Variants in PRAG1 observed in about 807,000 individuals in gnomAD.
The protein encoded by PRAG1 is inactive tyrosine-protein kinase PRAG1.
Under a neutral mutation model 95.6 loss-of-function variants are expected in PRAG1, and 110 were observed. The observed-to-expected ratio is 1.15, with a 90% CI of 0.99 to 1.35. The LOEUF (loss-of-function observed/expected upper bound fraction) is 1.35. PRAG1 is among the 40% of genes most tolerant of loss of function. The pLI is 0.00. For missense variants in PRAG1, 2,554 were observed against 1,864.7 expected, an observed-to-expected ratio of 1.37 and a Z score of -6.81; for synonymous variants, 1,052 against 819.4, an observed-to-expected ratio of 1.28 and a Z score of -4.85.
At chr8:8,346,692 C>A (rs977261821) in intron 3 of PRAG1, among the ~76,000 whole-genome samples, 3 of 152,220 alleles carry the variant, frequency 2.0e-5, no homozygotes, top group African/African-American at 7.2e-5. Flanking sequence ...CAATCCTTAA[C>A]GGATGCGGGG....
In PRAG1 at chr8:8,321,188, G is replaced by T. The variant is rs143178009; in HGVS notation, c.3073-1886C>A. Among the ~76,000 whole-genome samples the T allele has an allele frequency of 2.8e-4, 43 of 152,274 alleles. No homozygotes were observed. The East Asian group carries it at 8.1e-3, about 29-fold the overall frequency. On this transcript the variant is annotated intron_variant, in intron 5 of 5. Coordinates refer to ENST00000615670, the MANE Select transcript of PRAG1 (RefSeq NM_001080826.3). ...CGGTTTTGACCTCCCAGGTTTAAGC[G>T]ATCCTCCCACCTCAGCCTCCCGAGT... is the stretch of plus-strand genomic sequence containing the variant.
At position 8,377,892 on chromosome 8, in the gene PRAG1, T is replaced by C. The variant is rs752705280; in HGVS notation, c.517A>G (p.Arg173Gly). ...CTCACCGGGTGGAAGGCAATGTTCC[T>C]CTCGCCGCGGGGCTCAAGGTTGTGC... is the stretch of plus-strand genomic sequence containing the variant. ...GLHNLEPRGE[R>G]NIAFHPVSFP... is the part of the protein sequence containing the mutation. Residue 173 changes from arginine (R) to glycine (G), a missense_variant, in exon 3 of 6, where the codon AGG (arginine) becomes GGG (glycine). Physicochemically the swap from Arg to Gly is moderately radical, Grantham distance 125 (BLOSUM62 -2). Transcript: ENST00000615670. 5 of 1,614,074 alleles carry C rather than the reference T, an allele frequency of 3.1e-6. No homozygotes were observed. The highest frequency in any genetic ancestry group is 4.2e-6 in the Non-Finnish European group (5 of 1,180,012).
chr8:8,356,189 C>G (rs1799675749), intron 3 of PRAG1, among the ~76,000 whole-genome samples: 1 of 152,148 alleles, frequency 6.6e-6, no homozygotes, highest in African/African-American at 2.4e-5. Flanking sequence ...CATCACTAAT[C>G]AGGGAAATGC....
chr8:8,320,025 T>C (rs573064635), intron 5 of PRAG1, among the ~76,000 whole-genome samples: 3 of 152,236 alleles, frequency 2.0e-5, no homozygotes, highest in Admixed American at 2.0e-4. Flanking sequence ...TGGAGCAGTT[T>C]GTTAGTTTCT....
At chr8:8,361,452 G>T (rs946293802) in intron 3 of PRAG1, among the ~76,000 whole-genome samples, 1 of 152,126 alleles carries the variant, frequency 6.6e-6, no homozygotes, top group African/African-American at 2.4e-5. Flanking sequence ...GGAGGTGGCA[G>T]TGGGTTATTA....
At position 8,366,375 on chromosome 8, in the gene PRAG1, A is replaced by T. The variant is rs190637025; in HGVS notation, c.2162+9872T>A. On this transcript the variant is annotated intron_variant, in intron 3 of 5. Coordinates refer to ENST00000615670, the MANE Select transcript of PRAG1 (RefSeq NM_001080826.3). The stretch of plus-strand genomic sequence containing the variant: ...GTCATCCAGGCTAGAGTGCAATGGC[A>T]TGATCTTGGCTCACTGCAACCTCCA... Among the ~76,000 whole-genome samples the T allele has an allele frequency of 2.3e-3, 336 of 148,006 alleles. 3 individuals are homozygous for T. The highest frequency in any genetic ancestry group is 8.0e-3 in the African/African-American group (320 of 39,996).
chr8:8,368,587 A>G (rs749358371), intron 3 of PRAG1, among the ~76,000 whole-genome samples: 5 of 152,230 alleles, frequency 3.3e-5, no homozygotes, highest in Non-Finnish European at 7.3e-5. Flanking sequence ...CAATCCCAAA[A>G]CAACAACAAA....
chr8:8,345,046 G>GGTGTGTGTGTGTGTGTGTGTGTGT (rs57329300), intron 3 of PRAG1, among the ~76,000 whole-genome samples: 3 of 134,050 alleles, frequency 2.2e-5, no homozygotes, highest in African/African-American at 5.6e-5. Context: ...TTATCCGCAG[G>GGTGTGTGTGTGTGTGTGTGTGTGT]GTGTGTGTGT....
intron 3 of PRAG1, among the ~76,000 whole-genome samples, chr8:8,368,952 A>AC (rs1286903334): frequency 6.6e-6 from 1 of 151,738 alleles, no homozygotes; most frequent in Non-Finnish European, 1.5e-5. Flanking sequence ...GGTAATAGAG[A>AC]CCGGTAGCAG....
rs1585221539 is a variant in PRAG1 at position 8,327,846 on chromosome 8, T to C, written c.2936A>G (p.Lys979Arg). ...ATTCTCATTGAAGTGGAGCTCCTTT[T>C]TCTGGCCGCCCATGAAGAGGTCCTC... is the stretch of plus-strand genomic sequence containing the variant. ...KCEDLFMGGQ[K>R]KELHFNENNW... The change falls in exon 5 of 6, where the codon AAA (lysine) becomes AGA (arginine). Residue 979 changes from lysine (K) to arginine (R), a missense_variant. Transcript: ENST00000615670. 5 of 1,614,216 alleles carry C rather than the reference T, an allele frequency of 3.1e-6. No individual in the cohort carries two copies. Among genetic ancestry groups the C allele is most frequent in the Non-Finnish European group, 4.2e-6 (5 of 1,180,040 alleles).
chr8:8,331,219 T>C (rs1798809193), intron 4 of PRAG1, among the ~76,000 whole-genome samples: 1 of 152,174 alleles, frequency 6.6e-6, no homozygotes, highest in South Asian at 2.1e-4. Flanking sequence ...ATCAGTTTCC[T>C]GGTTAGTCTC....
Position 8,318,827 on chromosome 8 carries a change from G to A in PRAG1, c.3548C>T (p.Ser1183Phe), listed in dbSNP as rs766633479. 1.5e-6 allele frequency: 2 copies of A among 1,326,098 alleles called. No individual in the cohort carries two copies. The highest frequency in any genetic ancestry group is 1.6e-5 in the African/African-American group (1 of 63,822). 82.1% of individuals were successfully genotyped at this position (1,326,098 alleles called of 1,614,324 possible). A position where few individuals can be genotyped will look rare whatever the true frequency, so the allele number is the denominator to read the frequency against. The change falls in exon 6 of 6, where the codon TCT becomes TTT. Residue 1183 changes from serine (S) to phenylalanine (F), a missense_variant. Transcript: ENST00000615670. The surrounding 1 kb of genome is among the most constrained non-coding windows in gnomAD (Gnocchi z 4.2). ...APAAAAPPCSSAAPPAGGTLS... is the reference protein window; with the variant it reads ...APAAAAPPCSFAAPPAGGTLS... ...AGTGCCACCAGCAGGCGGGGCGGCAGAGGAGCAGGGAGGCGCGGCGGCGGC... is the reference window on the plus strand; with the variant it reads ...AGTGCCACCAGCAGGCGGGGCGGCAAAGGAGCAGGGAGGCGCGGCGGCGGC...
At chr8:8,322,732 C>G (rs1431026751) in intron 5 of PRAG1, among the ~76,000 whole-genome samples, 1 of 152,200 alleles carries the variant, frequency 6.6e-6, no homozygotes, top group Non-Finnish European at 1.5e-5. Context: ...TCCATAACCC[C>G]TTCTCATAAT....
chr8:8,377,234 C>A lies in PRAG1; in HGVS notation c.1175G>T (p.Gly392Val), dbSNP rs777670597. Residue 392 changes from glycine to valine, a missense_variant, in exon 3 of 6, where the codon GGG becomes GTG. Gly to Val is a moderately radical substitution (Grantham distance 109, BLOSUM62 -3). Transcript: ENST00000615670. ...CPGVTPSRCLGLTGEPQPPAH... is the reference protein window; with the variant it reads ...CPGVTPSRCLVLTGEPQPPAH... Reference sequence around the variant, plus strand: ...CGGGGGCTGGGGCTCCCCCGTCAGCCCAAGGCATCTGCTAGGGGTCACCCC... The same window carrying A: ...CGGGGGCTGGGGCTCCCCCGTCAGCACAAGGCATCTGCTAGGGGTCACCCC... 3 of 1,612,566 alleles carry A rather than the reference C, an allele frequency of 1.9e-6. No homozygotes were observed. The highest frequency in any genetic ancestry group is 2.7e-5 in the African/African-American group (2 of 74,938).
At chr8:8,370,276 GAATT>G (rs1430194785) in intron 3 of PRAG1, among the ~76,000 whole-genome samples, 1 of 152,244 alleles carries the variant, frequency 6.6e-6, no homozygotes, top group Non-Finnish European at 1.5e-5. Flanking sequence ...GGCCAACTAT[GAATT>G]TGCCCCTGGC....
chr8:8,346,715 G>A (rs1017154189), intron 3 of PRAG1, among the ~76,000 whole-genome samples: 5 of 152,210 alleles, frequency 3.3e-5, no homozygotes, highest in African/African-American at 1.2e-4. Flanking sequence ...CCAGTGTGCA[G>A]CAGAGAGTGA....
At chr8:8,357,994 A>G (rs548774922) in intron 3 of PRAG1, among the ~76,000 whole-genome samples, 1 of 152,284 alleles carries the variant, frequency 6.6e-6, no homozygotes, top group Non-Finnish European at 1.5e-5. Context: ...CAATTCTGAC[A>G]CTATCTACCT....
chr8:8,320,620 C>T (rs1456704095), intron 5 of PRAG1, among the ~76,000 whole-genome samples: 5 of 152,144 alleles, frequency 3.3e-5, no homozygotes, highest in African/African-American at 4.8e-5. Flanking sequence ...AGACAAAGAT[C>T]AATGTGTAAT....
intron 3 of PRAG1, among the ~76,000 whole-genome samples, chr8:8,372,183 C>T (rs1800230090): frequency 6.6e-6 from 1 of 152,206 alleles, no homozygotes; most frequent in Non-Finnish European, 1.5e-5. Context: ...GGTTCTTTCT[C>T]ATCTTAATTG....
Sources: gnomAD v4.1 joint callset for allele counts (sites outside exome capture counted in the v4.1 genomes callset) on GRCh38, gnomAD v4.1.1 for gene constraint, Gnocchi (gnomAD v3.1) non-coding constraint, MANE v1.5 for transcripts, NCBI Gene and HGNC (gene_info 2026-07-23, HGNC 2026-07-21) for gene names.